ITGA9: variants seen among roughly 807,000 people sequenced by gnomAD.
The protein encoded by ITGA9 is integrin alpha-9.
A neutral mutation model predicts 127.8 loss-of-function variants in ITGA9; 56 were observed. The observed-to-expected ratio is 0.44, with a 90% confidence interval of 0.35 to 0.55. ITGA9 has a LOEUF of 0.55. Among genes scored for constraint, ITGA9 ranks in the 20% least tolerant of loss-of-function variants. The pLI, the probability that ITGA9 is intolerant of heterozygous loss-of-function variation, is 0.00. For missense variants in ITGA9, 1,196 were observed against 1,347.1 expected, an observed-to-expected ratio of 0.89 and a Z score of 1.76; for synonymous variants, 508 against 514.5, an observed-to-expected ratio of 0.99 and a Z score of 0.17.
At chr3:37,537,753 G>A (rs1030189700) in intron 14 of ITGA9, among the ~76,000 whole-genome samples, 3 of 152,228 alleles carry the variant, frequency 2.0e-5, no homozygotes, top group African/African-American at 7.2e-5. Flanking sequence ...TGTGTGGCAT[G>A]CACTGTGCTT....
intron 15 of ITGA9, among the ~76,000 whole-genome samples, chr3:37,622,978 A>G (rs1203810082): frequency 6.6e-6 from 1 of 152,062 alleles, no homozygotes; most frequent in African/African-American, 2.4e-5. Context: ...TGTGTCCTGT[A>G]TGTCTGTTAT....
chr3:37,538,271 G>A (rs1292583059), intron 14 of ITGA9, among the ~76,000 whole-genome samples: 1 of 152,210 alleles, frequency 6.6e-6, no homozygotes, highest in African/African-American at 2.4e-5. Flanking sequence ...AAAACTTGCT[G>A]GGAGAGACCA....
intron 24 of ITGA9, among the ~76,000 whole-genome samples, 195 bp downstream of exon 24, chr3:37,777,712 A>G (rs1357352313): frequency 1.3e-5 from 2 of 152,264 alleles, no homozygotes; most frequent in East Asian, 1.9e-4. Flanking sequence ...AAATCCTATT[A>G]CCTGGAAAAG....
chr3:37,810,986 G>A, intron 27 of ITGA9, among the ~76,000 whole-genome samples: 1 of 152,168 alleles, frequency 6.6e-6, no homozygotes, highest in East Asian at 1.9e-4. Flanking sequence ...CGGCCTTCAA[G>A]AAAGCCCATC....
chr3:37,727,065 A>G (rs1442225604), intron 18 of ITGA9, among the ~76,000 whole-genome samples: 1 of 152,226 alleles, frequency 6.6e-6, no homozygotes, highest in African/African-American at 2.4e-5. Flanking sequence ...ACAGTTGGGC[A>G]GAATCATCTG....
chr3:37,647,330 C>G (rs1289788603), intron 16 of ITGA9, among the ~76,000 whole-genome samples: 1 of 151,820 alleles, frequency 6.6e-6, no homozygotes, highest in African/African-American at 2.4e-5. Context: ...TTATTTTGTT[C>G]ATGAATTTGA....
At chr3:37,645,391 A>G (rs768027892) in intron 16 of ITGA9, among the ~76,000 whole-genome samples, 1 of 152,156 alleles carries the variant, frequency 6.6e-6, no homozygotes, top group Non-Finnish European at 1.5e-5. Flanking sequence ...AACACGGGGA[A>G]ACCCCATCTC....
At chr3:37,477,958 T>G (rs1213587262) in intron 3 of ITGA9, among the ~76,000 whole-genome samples, 1 of 152,228 alleles carries the variant, frequency 6.6e-6, no homozygotes. Flanking sequence ...CATTTACTTC[T>G]GTTGCTCTGT....
At chr3:37,743,399 T>C (rs747215699) in intron 21 of ITGA9, among the ~76,000 whole-genome samples, 3 of 152,210 alleles carry the variant, frequency 2.0e-5, no homozygotes, top group Admixed American at 6.5e-5. Flanking sequence ...TCACCTCTTA[T>C]GTAGCCTCCG....
chr3:37,616,722 C>T (rs1282595752), intron 15 of ITGA9, among the ~76,000 whole-genome samples: 3 of 152,172 alleles, frequency 2.0e-5, no homozygotes, highest in Non-Finnish European at 2.9e-5. Context: ...TATGTAATGG[C>T]CTTCTTTGTC....
At chr3:37,698,988 C>A (rs1193543211) in intron 18 of ITGA9, among the ~76,000 whole-genome samples, 2 of 152,200 alleles carry the variant, frequency 1.3e-5, no homozygotes, top group East Asian at 3.8e-4. Context: ...GTCTTCTGCA[C>A]TCCCTTCTTC....
In ITGA9 at chr3:37,732,979, C is replaced by T. The variant is rs79237371; in HGVS notation, c.2154+181C>T. 6.4e-3 allele frequency: 4,131 copies of T among 645,804 alleles called. 117 individuals are homozygous for T. The African/African-American group carries it at 0.065, about 10-fold the overall frequency. The allele number at this position is 645,804 out of a possible 1,614,324, so 40.0% of individuals were successfully genotyped here. On this transcript the variant is annotated intron_variant, in intron 19 of 27. Transcript: ENST00000264741. The stretch of plus-strand genomic sequence containing the variant: ...TGGCTGTGTACACCGGGGTATACTC[C>T]GGAGGGGCTGCATCATATGGTCTTT...
intron 16 of ITGA9, among the ~76,000 whole-genome samples, chr3:37,636,326 A>C (rs1343022136): frequency 2.0e-5 from 3 of 152,138 alleles, no homozygotes; most frequent in Admixed American, 6.5e-5. Flanking sequence ...TCACCATTCT[A>C]ACTGGTGTGA....
At chr3:37,586,037 G>T (rs1416308901) in intron 15 of ITGA9, among the ~76,000 whole-genome samples, 1 of 152,130 alleles carries the variant, frequency 6.6e-6, no homozygotes, top group Non-Finnish European at 1.5e-5. Context: ...TGATGATGGT[G>T]ATGGTGGCAG....
Position 37,777,414 on chromosome 3 carries a change from G to A in ITGA9, c.2564G>A (p.Cys855Tyr). ...EMVVGQEKGN[C>Y]SFQKNPTPCI... is the part of the protein sequence containing the mutation. ...CAGGTGGGCCAAGAGAAGGGAAACT[G>A]CTCTTTCCAGAAAAACCCAACTCCC... Residue 855 changes from cysteine to tyrosine, a missense_variant, in exon 24 of 28, where the codon TGC (cysteine) becomes TAC (tyrosine). Cys to Tyr is a radical substitution (Grantham distance 194). Transcript: ENST00000264741. 6.2e-7 allele frequency: 1 copy of A among 1,613,994 alleles called. No homozygotes were observed.
intron 7 of ITGA9, among the ~76,000 whole-genome samples, chr3:37,508,312 G>A (rs1243242121): frequency 2.6e-5 from 4 of 152,220 alleles, no homozygotes; most frequent in Non-Finnish European, 5.9e-5. Context: ...GTCTTATTGT[G>A]TGTGGCTTTT....
chr3:37,452,987 C>T lies in ITGA9; in HGVS notation c.185+428C>T, dbSNP rs1000291341. On this transcript the variant is annotated intron_variant, in intron 1 of 27. Transcript: ENST00000264741. This position sits in a 1 kb window ranked among gnomAD's most constrained non-coding sequence, Gnocchi z 7.3. ...AGGAGTCGGGGCACTGGAGCTGCAC[C>T]CCTCCCCGGTTTTGGGGAACCCCTG... is the stretch of plus-strand genomic sequence containing the variant. Among the ~76,000 whole-genome samples the T allele has an allele frequency of 1.3e-5, 2 of 152,192 alleles. No individual in the cohort carries two copies. The highest frequency in any genetic ancestry group is 2.9e-5 in the Non-Finnish European group (2 of 68,028).
chr3:37,519,179 G>A, intron 10 of ITGA9, 81 bp from the exon 11 acceptor site: 1 of 1,031,340 alleles, frequency 9.7e-7, no homozygotes. Context: ...CAGGGACTCA[G>A]ACATGACAAC....
chr3:37,493,338 T>C (rs1698691820), intron 4 of ITGA9, among the ~76,000 whole-genome samples: 1 of 152,206 alleles, frequency 6.6e-6, no homozygotes, highest in Non-Finnish European at 1.5e-5. Flanking sequence ...AATAATGATA[T>C]TGCTTTTAAT....
Sources: allele counts gnomAD v4.1 joint callset (sites outside exome capture counted in the v4.1 genomes callset), GRCh38; gene constraint gnomAD v4.1.1; non-coding constraint Gnocchi (gnomAD v3.1); transcripts MANE v1.5; gene names NCBI Gene and HGNC (gene_info 2026-07-23, HGNC 2026-07-21).